The following TMOD2 variants were observed in gnomAD, a reference collection of about 807,000 sequenced individuals.
TMOD2 encodes the protein tropomodulin 2.
In TMOD2, 22 loss-of-function variants were observed where a neutral mutation model predicts 39.9. That is an observed-to-expected ratio of 0.55 (90% CI 0.39 to 0.79). The LOEUF is 0.79. Among genes scored for constraint, TMOD2 ranks in the 30% least tolerant of loss-of-function variants. The pLI is 0.00. For synonymous variants in TMOD2, 123 were observed against 146.1 expected (o/e 0.84, Z 1.14); for missense variants, 386 against 413.3 (o/e 0.93, Z 0.57).
intron 3 of TMOD2, among the ~76,000 whole-genome samples, chr15:51,769,488 G>T (rs2055838848): frequency 6.6e-6 from 1 of 152,328 alleles, no homozygotes; most frequent in South Asian, 2.1e-4. Context: ...GGAGCTTGTA[G>T]TGAGAGAAAC....
chr15:51,792,900 A>G (rs2056022648), intron 7 of TMOD2, among the ~76,000 whole-genome samples: 1 of 152,144 alleles, frequency 6.6e-6, no homozygotes, highest in Admixed American at 6.6e-5. Context: ...CATTAGGAGA[A>G]ATACCTAATG....
chr15:51,786,161 G>A (rs1333695749), intron 7 of TMOD2, among the ~76,000 whole-genome samples: 2 of 151,964 alleles, frequency 1.3e-5, no homozygotes, highest in African/African-American at 2.4e-5. Context: ...CCAATTCTAA[G>A]ATGTGGTACA....
intron 3 of TMOD2, among the ~76,000 whole-genome samples, chr15:51,772,811 C>T (rs922007942): frequency 9.9e-5 from 15 of 152,106 alleles, no homozygotes; most frequent in African/African-American, 3.6e-4. Context: ...TTAGAGGGAG[C>T]GCTCCAGGGG....
intron 4 of TMOD2, among the ~76,000 whole-genome samples, chr15:51,774,316 G>A (rs759230120): frequency 6.6e-6 from 1 of 152,074 alleles, no homozygotes; most frequent in African/African-American, 2.4e-5. Context: ...ATAGAAAAAG[G>A]TCAAAGAGTA....
rs752249243 is a variant in TMOD2 at position 51,773,830 on chromosome 15, T to C, written c.402T>C (p.Leu134=). 6 of 1,608,718 alleles carry C rather than the reference T, an allele frequency of 3.7e-6. No homozygotes were observed. The change falls in exon 4 of 10, where the codon CTT becomes CTC. Residue 134 remains leucine (L), a synonymous_variant. Transcript: ENST00000249700. ...ASASDTELYD[L]AAVLGVHNLL... is the part of the protein sequence containing the mutation. ...CCTCTGACACCGAACTCTATGATCT[T>C]GCAGGTTAGTCCTGAACTCTGGGAA...
chr15:51,768,352 C>T lies in TMOD2; in HGVS notation c.217C>T (p.Leu73=). ...TGACCGCGAGCACCTCCTCATGTAC[C>T]TGGAGAAGGAGGCTTTGGAACAGAA... is the stretch of plus-strand genomic sequence containing the variant. The part of the protein sequence containing the change: ...PFDREHLLMY[L]EKEALEQKDR... Residue 73 remains leucine (L), a synonymous_variant, in exon 3 of 10, where the codon CTG becomes TTG. Transcript: ENST00000249700. The T allele has an allele frequency of 6.2e-7, 1 of 1,614,174 alleles. No individual in the cohort carries two copies. Among genetic ancestry groups the T allele is most frequent in the Non-Finnish European group, 8.5e-7 (1 of 1,180,020 alleles).
At chr15:51,798,464 C>T in intron 8 of TMOD2, 124 bp downstream of exon 8, 1 of 1,219,796 alleles carries the variant, frequency 8.2e-7, no homozygotes, top group Non-Finnish European at 1.1e-6. Context: ...TACTGGATTT[C>T]CTGTAAGTTT....
chr15:51,802,566 AC>A (rs1013374142), intron 8 of TMOD2, among the ~76,000 whole-genome samples: 45 of 152,360 alleles, frequency 3.0e-4, no homozygotes, highest in African/African-American at 1.0e-3. Context: ...ATTTGGGGTA[AC>A]TTTGGACCAC....
rs866284548 is a variant in TMOD2, at chr15:51,774,976, C to T, written c.406+1142C>T. On this transcript the variant is annotated intron_variant, in intron 4 of 9. Coordinates refer to ENST00000249700, the MANE Select transcript of TMOD2 (RefSeq NM_014548.4). ...GAGAATCCAAATAGAAAACTGTCCT[C>T]GTTCATCCTTACTCAGCTTCCCTCC... Among the ~76,000 whole-genome samples the T allele has an allele frequency of 5.9e-5, 9 of 152,212 alleles. No homozygotes were observed. In the Middle Eastern group the frequency reaches 0.014, roughly 230 times the overall value.
chr15:51,794,438 T>C (rs993437145), intron 7 of TMOD2, among the ~76,000 whole-genome samples: 1 of 152,170 alleles, frequency 6.6e-6, no homozygotes, highest in Non-Finnish European at 1.5e-5. Context: ...TTAATTAAAG[T>C]GGTTACTGGC....
At position 51,761,463 on chromosome 15, in the gene TMOD2, A is replaced by C. The variant is rs537583646; in HGVS notation, c.-69-4910A>C. On this transcript the variant is annotated intron_variant, in intron 1 of 9. Coordinates refer to ENST00000249700, the MANE Select transcript of TMOD2 (RefSeq NM_014548.4). Reference sequence around the variant, plus strand: ...AAATAGAGGCTGGGCACTGTGGCTCATGCCTGTAATTCCAGCACTTTGGGA... The same window carrying C: ...AAATAGAGGCTGGGCACTGTGGCTCCTGCCTGTAATTCCAGCACTTTGGGA... Among the ~76,000 whole-genome samples, 20 of 152,308 alleles carry C rather than the reference A, an allele frequency of 1.3e-4. No homozygotes were observed. In the South Asian group the frequency reaches 3.5e-3, roughly 27 times the overall value.
At chr15:51,768,164 C>T in intron 2 of TMOD2, 98 bp from the exon 3 acceptor site, 4 of 1,422,826 alleles carry the variant, frequency 2.8e-6, no homozygotes, top group South Asian at 1.2e-5. Flanking sequence ...GGTATCCTTC[C>T]TGCTTCCCCA....
rs771086308 is a variant in TMOD2, at chr15:51,781,819, A to AGT, written c.624+646_624+647insTG. ...GAAAGAGTAGGAGAGAGAGAGAGAG[A>AGT]GAGAGTGTGTGTGTGTGTGTGTGTA... On this transcript the variant is annotated intron_variant, in intron 6 of 9. Transcript: ENST00000249700. Among the ~76,000 whole-genome samples the AGT allele has an allele frequency of 3.2e-3, 389 of 123,290 alleles. 1 individual carries two copies. The highest frequency in any genetic ancestry group is 5.4e-3 in the Non-Finnish European group (301 of 55,726). 80.9% of individuals were successfully genotyped at this position (123,290 alleles called of 152,430 possible).
chr15:51,773,853 G>T lies in TMOD2; in HGVS notation c.406+19G>T. The stretch of plus-strand genomic sequence containing the variant: ...CTTGCAGGTTAGTCCTGAACTCTGG[G>T]AACTTTCCTGTCTGGCTCTATGACC... On this transcript the variant is annotated intron_variant, in intron 4 of 9. Transcript: ENST00000249700. The T allele has an allele frequency of 6.3e-7, 1 of 1,591,160 alleles. No individual in the cohort carries two copies. The highest frequency in any genetic ancestry group is 1.2e-5 in the South Asian group (1 of 86,764).
At chr15:51,772,295 A>G (rs1351712642) in intron 3 of TMOD2, among the ~76,000 whole-genome samples, 1 of 152,174 alleles carries the variant, frequency 6.6e-6, no homozygotes, top group Non-Finnish European at 1.5e-5. Flanking sequence ...TGTGCCCCAA[A>G]AGTCAGAGCA....
intron 3 of TMOD2, among the ~76,000 whole-genome samples, chr15:51,773,182 T>C (rs946986063): frequency 6.6e-6 from 1 of 152,136 alleles, no homozygotes; most frequent in Non-Finnish European, 1.5e-5. Context: ...TTCTGGAGGA[T>C]AGACATGGGA....
intron 1 of TMOD2, among the ~76,000 whole-genome samples, chr15:51,758,113 T>G (rs1198698901): frequency 1.3e-5 from 2 of 151,320 alleles, no homozygotes; most frequent in Non-Finnish European, 2.9e-5. Context: ...ATAACTAGCT[T>G]TTCCCCAAAT....
rs1334489026 is a variant in TMOD2 at position 51,801,233 on chromosome 15, T to TCACACACACACA, written c.876+2894_876+2895insACACACACACAC. ...TTCTCTCTCCCTCTCTCTCTCTCTCTCTCTCACACACACACACACACACAC... is the reference window on the plus strand; with the variant it reads ...TTCTCTCTCCCTCTCTCTCTCTCTCTCACACACACACACTCTCACACACACACACACACACAC... On this transcript the variant is annotated intron_variant, in intron 8 of 9. Coordinates refer to ENST00000249700, the MANE Select transcript of TMOD2 (RefSeq NM_014548.4). Among the ~76,000 whole-genome samples the TCACACACACACA allele has an allele frequency of 4.4e-3, 429 of 97,004 alleles. 4 individuals carry two copies. The highest frequency in any genetic ancestry group is 0.018 in the African/African-American group (403 of 22,120). 63.6% of individuals were successfully genotyped at this position (97,004 alleles called of 152,430 possible).
At chr15:51,778,266 C>G (rs2055902701) in intron 5 of TMOD2, among the ~76,000 whole-genome samples, 1 of 140,754 alleles carries the variant, frequency 7.1e-6, no homozygotes, top group African/African-American at 2.7e-5. Flanking sequence ...TCTTCTCACT[C>G]ATAGATGGGA....
Sources: allele counts gnomAD v4.1 joint callset (sites outside exome capture counted in the v4.1 genomes callset), GRCh38; gene constraint gnomAD v4.1.1; transcripts MANE v1.5; gene names NCBI Gene and HGNC (gene_info 2026-07-23, HGNC 2026-07-21).